The following RALA variants were observed in gnomAD, a reference collection of about 807,000 sequenced individuals.
RALA encodes the protein ras-related protein Ral-A.
Under a neutral mutation model 24.0 loss-of-function variants are expected in RALA, and 5 were observed. The observed-to-expected ratio is 0.21, with a 90% confidence interval of 0.11 to 0.44. The LOEUF is 0.44. Ranked by LOEUF, RALA falls within the 20% of genes least tolerant of loss-of-function variation. RALA has a pLI of 0.99. For synonymous variants in RALA, 77 were observed against 83.8 expected (o/e 0.92, Z 0.44); for missense variants, 95 against 241.2 (o/e 0.39, Z 4.01).
chr7:39,656,088 G>GT (rs534751871), intron 1 of RALA, among the ~76,000 whole-genome samples: 2 of 152,126 alleles, frequency 1.3e-5, no homozygotes, highest in African/African-American at 2.4e-5. Flanking sequence ...TGAGTATATA[G>GT]TTTTTTTGTA....
chr7:39,673,442 G>A (rs1305142446), intron 1 of RALA, among the ~76,000 whole-genome samples: 1 of 152,044 alleles, frequency 6.6e-6, no homozygotes, highest in Non-Finnish European at 1.5e-5. Flanking sequence ...TTACTTAAGT[G>A]TTATTATTAA....
chr7:39,695,597 T>A (rs1792904189), intron 3 of RALA, among the ~76,000 whole-genome samples: 2 of 151,864 alleles, frequency 1.3e-5, no homozygotes, highest in Admixed American at 1.3e-4. Context: ...GATATGGGGG[T>A]CTCACTGTGT....
chr7:39,660,305 CA>C (rs1009688510), intron 1 of RALA, among the ~76,000 whole-genome samples: 19 of 150,988 alleles, frequency 1.3e-4, no homozygotes, highest in African/African-American at 4.6e-4. Flanking sequence ...AAGATCACAC[CA>C]CTGAACTCCA....
chr7:39,672,644 A>T (rs1792409808), intron 1 of RALA, among the ~76,000 whole-genome samples: 1 of 96,470 alleles, frequency 1.0e-5, no homozygotes, highest in Non-Finnish European at 2.0e-5. Flanking sequence ...AATACTATTC[A>T]GTCGTAAAAA....
Position 39,707,232 on chromosome 7 carries a change from T to A in RALA, c.*987T>A, listed in dbSNP as rs1341456246. 6.6e-6 allele frequency: 1 copy of A among 152,214 alleles called. No homozygotes were observed. Among genetic ancestry groups the A allele is most frequent in the Non-Finnish European group, 1.5e-5 (1 of 68,042 alleles). The allele number at this position is 152,214 out of a possible 1,614,324, so 9.4% of individuals were successfully genotyped here. On this transcript the variant is annotated 3_prime_UTR_variant, in exon 5 of 5. Transcript: ENST00000005257. ...TCTGCTAGTGGTGAGCATGTAAGTG[T>A]TAAGTTTTTAATCTGGGAGCAGGGC...
rs558490815 is a variant in RALA, at chr7:39,707,528, T to C, written c.*1283T>C. ...CACATTAGGCTGTGTCACCATTGTG[T>C]GGTGTACCTGCTGGAAGAATTCTAG... On this transcript the variant is annotated 3_prime_UTR_variant, in exon 5 of 5. Transcript: ENST00000005257. The C allele has an allele frequency of 1.1e-4, 16 of 152,044 alleles. No homozygotes were observed. Among genetic ancestry groups the C allele is most frequent in the Non-Finnish European group, 1.9e-4 (13 of 68,022 alleles). The allele number at this position is 152,044 out of a possible 1,614,324, so 9.4% of individuals were successfully genotyped here.
At chr7:39,685,814 T>C (rs1792690426) in intron 1 of RALA, among the ~76,000 whole-genome samples, 1 of 152,196 alleles carries the variant, frequency 6.6e-6, no homozygotes, top group South Asian at 2.1e-4. Context: ...TTCTATAAAA[T>C]AGCAGTAAGT....
chr7:39,660,310 A>C (rs1020696653), intron 1 of RALA, among the ~76,000 whole-genome samples: 22 of 151,744 alleles, frequency 1.4e-4, no homozygotes, highest in Non-Finnish European at 3.1e-4. Flanking sequence ...CACACCACTG[A>C]ACTCCAGCTG....
chr7:39,704,060 G>A (rs1203650276), intron 4 of RALA, among the ~76,000 whole-genome samples: 1 of 150,924 alleles, frequency 6.6e-6, no homozygotes, highest in East Asian at 2.0e-4. Context: ...CAGCTACTTG[G>A]AAGGCTGAGG....
chr7:39,654,740 TTTTTG>T (rs1242464334), intron 1 of RALA, among the ~76,000 whole-genome samples: 1 of 152,096 alleles, frequency 6.6e-6, no homozygotes, highest in Non-Finnish European at 1.5e-5. Context: ...TGAATCTAAA[TTTTTG>T]TTTGTTTGTT....
chr7:39,666,450 T>G (rs1792288508), intron 1 of RALA, among the ~76,000 whole-genome samples: 1 of 152,160 alleles, frequency 6.6e-6, no homozygotes, highest in Admixed American at 6.5e-5. Flanking sequence ...GCTAAACAGA[T>G]TTGTGATGGA....
chr7:39,663,462 G>A (rs925593377), intron 1 of RALA, among the ~76,000 whole-genome samples: 1 of 151,958 alleles, frequency 6.6e-6, no homozygotes, highest in Non-Finnish European at 1.5e-5. Context: ...AACACTGTGG[G>A]ACCCATAAGA....
chr7:39,644,438 T>G (rs992459873), intron 1 of RALA, among the ~76,000 whole-genome samples: 1 of 152,174 alleles, frequency 6.6e-6, no homozygotes, highest in African/African-American at 2.4e-5. Flanking sequence ...TATCAGTTGT[T>G]AAGTATTTAG....
chr7:39,685,408 C>T (rs1792680113), intron 1 of RALA, among the ~76,000 whole-genome samples: 1 of 152,184 alleles, frequency 6.6e-6, no homozygotes. Flanking sequence ...GGAGCTGCAA[C>T]TTAGAAAGCT....
intron 1 of RALA, among the ~76,000 whole-genome samples, chr7:39,655,004 C>T (rs940156467): frequency 1.3e-5 from 2 of 152,222 alleles, no homozygotes; most frequent in Non-Finnish European, 2.9e-5. Context: ...CTGCTTTGGC[C>T]TCCCAAAATG....
chr7:39,684,727 AAG>A (rs1491066787), intron 1 of RALA, among the ~76,000 whole-genome samples: 3 of 151,642 alleles, frequency 2.0e-5, no homozygotes, highest in Non-Finnish European at 2.9e-5. Flanking sequence ...AAAAAAAAAA[AAG>A]AAAAAAAAAA....
chr7:39,682,313 G>C (rs1264108755), intron 1 of RALA, among the ~76,000 whole-genome samples: 1 of 152,094 alleles, frequency 6.6e-6, no homozygotes, highest in Non-Finnish European at 1.5e-5. Flanking sequence ...CATTGCTGCT[G>C]CTGCTGCTGC....
intron 1 of RALA, among the ~76,000 whole-genome samples, chr7:39,642,253 AGTAAATGTGTGG>A (rs538441708): frequency 1.3e-5 from 2 of 152,330 alleles, no homozygotes; most frequent in East Asian, 3.9e-4. Context: ...AACAAAGAAC[AGTAAATGTGTGG>A]GTAAATGACA....
intron 1 of RALA, among the ~76,000 whole-genome samples, chr7:39,686,086 G>A (rs1792699196): frequency 6.6e-6 from 1 of 151,900 alleles, no homozygotes; most frequent in Non-Finnish European, 1.5e-5. Flanking sequence ...CGCGCTTGTA[G>A]TCCCAGCTAC....
Sources: allele counts gnomAD v4.1 joint callset (sites outside exome capture counted in the v4.1 genomes callset), GRCh38; gene constraint gnomAD v4.1.1; transcripts MANE v1.5; gene names NCBI Gene and HGNC (gene_info 2026-07-23, HGNC 2026-07-21).